BBS9: variants seen among roughly 807,000 people sequenced by gnomAD.
BBS9 encodes Bardet-Biedl syndrome 9, also known as protein PTHB1.
Under a neutral mutation model 117.7 loss-of-function variants are expected in BBS9, and 89 were observed. The ratio of observed to expected loss-of-function variants is 0.76; its 90% confidence interval spans 0.64 to 0.90. The LOEUF (loss-of-function observed/expected upper bound fraction) is 0.90. Ranked by LOEUF, BBS9 falls within the 40% of genes least tolerant of loss-of-function variation. The probability of loss-of-function intolerance (pLI) is 0.00; values close to 1 mark genes in which losing one functional copy is unlikely to be tolerated. For synonymous variants in BBS9, 379 were observed against 370.9 expected, an observed-to-expected ratio of 1.02 and a Z score of -0.25; for missense variants, 982 against 1,042.2, an observed-to-expected ratio of 0.94 and a Z score of 0.80.
chr7:33,586,074 T>G (rs767839758), intron 21 of BBS9, among the ~76,000 whole-genome samples: 2 of 152,040 alleles, frequency 1.3e-5, no homozygotes, highest in African/African-American at 4.8e-5. Context: ...CTTTCATTTC[T>G]CAAATGAAGA....
At chr7:33,405,748 A>C (rs1488265477) in intron 19 of BBS9, among the ~76,000 whole-genome samples, 5 of 151,976 alleles carry the variant, frequency 3.3e-5, no homozygotes, top group Non-Finnish European at 7.4e-5. Flanking sequence ...CTTCTTTATT[A>C]GTCTTGCTAG....
At chr7:33,410,292 C>T (rs1365942098) in intron 19 of BBS9, among the ~76,000 whole-genome samples, 3 of 152,212 alleles carry the variant, frequency 2.0e-5, no homozygotes, top group Non-Finnish European at 4.4e-5. Context: ...GTTTTCTTCT[C>T]TGCACCCATG....
chr7:33,175,718 GA>G (rs1224382663), intron 4 of BBS9, among the ~76,000 whole-genome samples: 2 of 150,744 alleles, frequency 1.3e-5, no homozygotes, highest in African/African-American at 2.4e-5. Flanking sequence ...AAAAGGGAGG[GA>G]AAAAAAAATC....
intron 5 of BBS9, among the ~76,000 whole-genome samples, chr7:33,198,089 T>C (rs1030830811): frequency 6.6e-6 from 1 of 152,004 alleles, no homozygotes; most frequent in African/African-American, 2.4e-5. Context: ...AAGTTAAAAG[T>C]GAGCTGGATT....
At position 33,285,900 on chromosome 7, in the gene BBS9, A is replaced by G. The variant is rs1266294198; in HGVS notation, c.1016+11944A>G. 2.0e-5 allele frequency among the ~76,000 whole-genome samples: 3 copies of G among 151,980 alleles called. No homozygotes were observed. The East Asian group carries it at 5.8e-4, about 29-fold the overall frequency. Reference sequence around the variant, plus strand: ...TATCTTCTGCTTGGCTCATGTTTTCATGATCATTTTATTTTTAATGTAATA... The same window carrying G: ...TATCTTCTGCTTGGCTCATGTTTTCGTGATCATTTTATTTTTAATGTAATA... On this transcript the variant is annotated intron_variant, in intron 9 of 22. Coordinates refer to ENST00000242067, the MANE Select transcript of BBS9 (RefSeq NM_198428.3).
At chr7:33,410,250 G>T (rs1225173111) in intron 19 of BBS9, among the ~76,000 whole-genome samples, 1 of 152,146 alleles carries the variant, frequency 6.6e-6, no homozygotes, top group African/African-American at 2.4e-5. Context: ...GTTCTCTTTA[G>T]GGCGTGGAAT....
intron 19 of BBS9, among the ~76,000 whole-genome samples, chr7:33,401,056 A>G (rs1200756256): frequency 6.6e-6 from 1 of 152,136 alleles, no homozygotes; most frequent in Non-Finnish European, 1.5e-5. Context: ...TTTTTATATG[A>G]TTTCCATATC....
rs765422359 is a variant in BBS9, at chr7:33,336,669, T to C, written c.1198+47T>C. ...ATTATTTTAGTATTCATTATGAAAT[T>C]CATATTATCTTGTAGATAGATATTA... is the stretch of plus-strand genomic sequence containing the variant. On this transcript the variant is annotated intron_variant, in intron 10 of 22. Transcript: ENST00000242067. The C allele has an allele frequency of 1.8e-5, 23 of 1,261,088 alleles. No individual in the cohort carries two copies. In the African/African-American group the frequency reaches 3.1e-4, roughly 17 times the overall value. The allele number at this position is 1,261,088 out of a possible 1,614,324, so 78.1% of individuals were successfully genotyped here.
At chr7:33,534,369 C>CA (rs1851047643) in intron 21 of BBS9, 193 bp downstream of exon 21, 5 of 646,794 alleles carry the variant, frequency 7.7e-6, no homozygotes, top group Non-Finnish European at 1.4e-5. Context: ...GCTTGCTAGA[C>CA]ATTTCCAGAA....
At chr7:33,232,454 T>G (rs112722807) in intron 5 of BBS9, among the ~76,000 whole-genome samples, 203 of 152,244 alleles carry the variant, frequency 1.3e-3, no homozygotes, top group African/African-American at 4.8e-3. Context: ...TTAGAGACTT[T>G]GTAGATTGTA....
chr7:33,585,666 T>C (rs936551877), intron 21 of BBS9, among the ~76,000 whole-genome samples: 2 of 152,130 alleles, frequency 1.3e-5, no homozygotes, highest in African/African-American at 4.8e-5. Flanking sequence ...AAGGTACTAA[T>C]GTAATTATTA....
At position 33,377,785 on chromosome 7, in the gene BBS9, A is replaced by G. The variant is rs182779979; in HGVS notation, c.1790-5881A>G. Among the ~76,000 whole-genome samples the G allele has an allele frequency of 7.3e-4, 111 of 152,140 alleles. 1 individual carries two copies. The East Asian group carries it at 0.021, about 28-fold the overall frequency. ...TAGATATTTTATTCTTTTTGTGGTA[A>G]TTATGAATGGGATTGTGTTCCTGAT... On this transcript the variant is annotated intron_variant, in intron 17 of 22. Coordinates refer to ENST00000242067, the MANE Select transcript of BBS9 (RefSeq NM_198428.3).
intron 9 of BBS9, among the ~76,000 whole-genome samples, chr7:33,275,133 T>A (rs1358279283): frequency 6.6e-6 from 1 of 152,116 alleles, no homozygotes; most frequent in Non-Finnish European, 1.5e-5. Flanking sequence ...GGTATTCATA[T>A]TTGCATCAGT....
chr7:33,386,733 A>T (rs1428097484), intron 18 of BBS9, among the ~76,000 whole-genome samples: 2 of 151,784 alleles, frequency 1.3e-5, no homozygotes, highest in Non-Finnish European at 2.9e-5. Context: ...TGACCTCGTG[A>T]TCCGCCCGCC....
chr7:33,573,765 G>A (rs1269846088), intron 21 of BBS9, among the ~76,000 whole-genome samples: 3 of 151,964 alleles, frequency 2.0e-5, no homozygotes, highest in Non-Finnish European at 4.4e-5. Flanking sequence ...TTACTCTCTG[G>A]TAGATATAGT....
At chr7:33,383,636 AAGC>A in intron 17 of BBS9, 27 bp from the exon 18 acceptor site, 1 of 1,571,716 alleles carries the variant, frequency 6.4e-7, no homozygotes, top group African/African-American at 1.3e-5. Flanking sequence ...CTGTGTTACT[AAGC>A]ATTTTTCCTT....
intron 19 of BBS9, among the ~76,000 whole-genome samples, chr7:33,431,226 G>A (rs2128877823): frequency 6.6e-6 from 1 of 151,652 alleles, no homozygotes; most frequent in Admixed American, 6.6e-5. Context: ...AAAAAAAATG[G>A]TACTGGTTAC....
intron 9 of BBS9, among the ~76,000 whole-genome samples, chr7:33,296,325 G>A (rs1405481057): frequency 1.3e-5 from 2 of 152,074 alleles, no homozygotes; most frequent in Non-Finnish European, 2.9e-5. Context: ...AAAACAATTA[G>A]AATTTAATTT....
chr7:33,365,614 C>T (rs751176072), intron 16 of BBS9, among the ~76,000 whole-genome samples: 1 of 152,216 alleles, frequency 6.6e-6, no homozygotes, highest in Non-Finnish European at 1.5e-5. Context: ...GGCTTGTGGG[C>T]CAGTTTCCAG....
Sources: gnomAD v4.1 joint callset for allele counts (sites outside exome capture counted in the v4.1 genomes callset) on GRCh38, gnomAD v4.1.1 for gene constraint, MANE v1.5 for transcripts, NCBI Gene and HGNC (gene_info 2026-07-23, HGNC 2026-07-21) for gene names.